The following CEMIP variants were observed in gnomAD, a reference collection of about 807,000 sequenced individuals.
The protein encoded by CEMIP is cell migration-inducing and hyaluronan-binding protein.
Under a neutral mutation model 156.9 loss-of-function variants are expected in CEMIP, and 105 were observed. The observed-to-expected ratio is 0.67, with a 90% CI of 0.57 to 0.79. The LOEUF (loss-of-function observed/expected upper bound fraction) is 0.79, where lower values mean the gene tolerates loss of function less well. CEMIP is among the 30% of genes least tolerant of loss of function. The pLI is 0.00. For synonymous variants in CEMIP, 676 were observed against 668.4 expected (o/e 1.01, Z -0.17); for missense variants, 1,457 against 1,769.4 (o/e 0.82, Z 3.17).
intron 1 of CEMIP, among the ~76,000 whole-genome samples, chr15:80,841,636 C>T (rs7182793): frequency 0.65 from 98,130 of 152,116 alleles, 33,636 homozygotes; most frequent in East Asian, 0.89. Flanking sequence ...CTTTCTTTTT[C>T]CTTCCTTCTC....
chr15:80,810,346 T>A (rs988229753), intron 1 of CEMIP, among the ~76,000 whole-genome samples: 1 of 152,172 alleles, frequency 6.6e-6, no homozygotes, highest in South Asian at 2.1e-4. Flanking sequence ...CATTTTCTTT[T>A]TTGAGTCACC....
At chr15:80,888,677 T>G in intron 8 of CEMIP, 24 bp from the exon 9 acceptor site, 1 of 1,611,416 alleles carries the variant, frequency 6.2e-7, no homozygotes, top group Non-Finnish European at 8.5e-7. Flanking sequence ...GTCCAGCTCC[T>G]AAAGGGTCTC....
intron 20 of CEMIP, 27 bp from the exon 21 acceptor site, chr15:80,928,992 C>G: frequency 1.2e-6 from 2 of 1,614,234 alleles, no homozygotes; most frequent in Non-Finnish European, 1.7e-6. Flanking sequence ...CTCTGGGCAT[C>G]TCACCTTAAA....
intron 15 of CEMIP, 124 bp from the exon 16 acceptor site, chr15:80,920,908 T>C: frequency 1.3e-6 from 1 of 757,798 alleles, no homozygotes; most frequent in Non-Finnish European, 2.3e-6. Context: ...AGTCAATGAT[T>C]TCTCAGATCT....
intron 1 of CEMIP, among the ~76,000 whole-genome samples, chr15:80,871,141 C>T (rs1376267817): frequency 2.0e-5 from 3 of 152,148 alleles, no homozygotes; most frequent in South Asian, 2.1e-4. Context: ...GAAAGAATTC[C>T]CAAGGAAATT....
At chr15:80,840,696 G>A (rs759900008) in intron 1 of CEMIP, among the ~76,000 whole-genome samples, 13 of 152,316 alleles carry the variant, frequency 8.5e-5, no homozygotes, top group African/African-American at 2.4e-4. Context: ...GCCCTGCAGC[G>A]CCCGAGTGTT....
At chr15:80,896,141 T>A in intron 12 of CEMIP, 81 bp downstream of exon 12, 1 of 1,367,980 alleles carries the variant, frequency 7.3e-7, no homozygotes, top group Non-Finnish European at 1.0e-6. Flanking sequence ...TTACAACAAA[T>A]CTGTATCAGT....
chr15:80,850,014 C>A (rs1465194083), intron 1 of CEMIP, among the ~76,000 whole-genome samples: 2 of 152,158 alleles, frequency 1.3e-5, no homozygotes, highest in African/African-American at 4.8e-5. Flanking sequence ...GCACCGCAAG[C>A]TTTAGAACAA....
rs1401914313 is a variant in CEMIP at position 80,787,937 on chromosome 15, A to G, written c.-176+8323A>G. Among the ~76,000 whole-genome samples the G allele has an allele frequency of 2.0e-5, 3 of 152,200 alleles. No individual in the cohort carries two copies. In the East Asian group the frequency reaches 5.8e-4, roughly 29 times the overall value. ...TGGGTGTCTGTCTGGCTCTTAGTCCAAAGCATTACTTGTTTGCCTTCTCTA... is the reference window on the plus strand; with the variant it reads ...TGGGTGTCTGTCTGGCTCTTAGTCCGAAGCATTACTTGTTTGCCTTCTCTA... On this transcript the variant is annotated intron_variant, in intron 1 of 29. Coordinates refer to ENST00000394685, the MANE Select transcript of CEMIP (RefSeq NM_001293298.2).
At chr15:80,926,836 C>CTT (rs796068914) in intron 19 of CEMIP, among the ~76,000 whole-genome samples, 8 of 106,774 alleles carry the variant, frequency 7.5e-5, no homozygotes, top group African/African-American at 1.6e-4. Flanking sequence ...GGGGGGTCTT[C>CTT]TTTTTTTTTT....
intron 25 of CEMIP, among the ~76,000 whole-genome samples, chr15:80,941,427 A>C (rs1044303544): frequency 6.6e-6 from 1 of 152,072 alleles, no homozygotes; most frequent in Admixed American, 6.6e-5. Context: ...GCATCTCCTC[A>C]CCGGGCACAA....
At chr15:80,792,481 C>T (rs1341483753) in intron 1 of CEMIP, among the ~76,000 whole-genome samples, 1 of 152,194 alleles carries the variant, frequency 6.6e-6, no homozygotes, top group Non-Finnish European at 1.5e-5. Flanking sequence ...CTTCACCTTT[C>T]TGTGCCTCAG....
intron 10 of CEMIP, among the ~76,000 whole-genome samples, chr15:80,890,327 C>T (rs1053676498): frequency 3.3e-5 from 5 of 151,912 alleles, no homozygotes; most frequent in Admixed American, 1.3e-4. Flanking sequence ...GCCTGTAATC[C>T]CAGCACTTTG....
At chr15:80,945,506 C>T (rs1419261536) in intron 28 of CEMIP, among the ~76,000 whole-genome samples, 1 of 152,302 alleles carries the variant, frequency 6.6e-6, no homozygotes, top group East Asian at 1.9e-4. Flanking sequence ...GCAATGAGAC[C>T]TGTCTCCTTA....
At chr15:80,924,341 T>G (rs1009486959) in intron 17 of CEMIP, among the ~76,000 whole-genome samples, 2 of 152,228 alleles carry the variant, frequency 1.3e-5, no homozygotes, top group African/African-American at 4.8e-5. Context: ...GCACATGGAC[T>G]TTGCTATGTG....
At chr15:80,938,084 T>C in intron 25 of CEMIP, 105 bp downstream of exon 25, 5 of 895,850 alleles carry the variant, frequency 5.6e-6, no homozygotes, top group South Asian at 2.8e-5. Context: ...TGCCAATTAA[T>C]GTAAGACACC....
chr15:80,896,273 C>T (rs755749927), intron 12 of CEMIP: 7 of 689,264 alleles, frequency 1.0e-5, no homozygotes, highest in Admixed American at 2.0e-5. Flanking sequence ...CTGAGCCTGA[C>T]TCCAGGCTGA....
Position 80,936,838 on chromosome 15 carries a change from C to T in CEMIP, c.3174C>T (p.Asp1058=). Residue 1058 remains aspartate (D), a synonymous_variant, in exon 24 of 30, where the codon GAC becomes GAT. Transcript: ENST00000394685. ...AGAAGGGCTACACCATCCACTGGGACCAGACGGCCCCCGCCGAACTCGCCA... is the reference window on the plus strand; with the variant it reads ...AGAAGGGCTACACCATCCACTGGGATCAGACGGCCCCCGCCGAACTCGCCA... ...TLQKGYTIHW[D]QTAPAELAIW... is the part of the protein sequence containing the mutation. 1 of 1,614,140 alleles carries T rather than the reference C, an allele frequency of 6.2e-7. No individual in the cohort carries two copies. The highest frequency in any genetic ancestry group is 8.5e-7 in the Non-Finnish European group (1 of 1,180,050).
chr15:80,837,560 G>A (rs985258297), intron 1 of CEMIP, among the ~76,000 whole-genome samples: 3 of 152,220 alleles, frequency 2.0e-5, no homozygotes, highest in African/African-American at 7.2e-5. Flanking sequence ...TAATGCCAGA[G>A]TTCCAGCCAC....
Sources: allele counts gnomAD v4.1 joint callset (sites outside exome capture counted in the v4.1 genomes callset), GRCh38; gene constraint gnomAD v4.1.1; transcripts MANE v1.5; gene names NCBI Gene and HGNC (gene_info 2026-07-23, HGNC 2026-07-21).